SYN3: variants seen among roughly 807,000 people sequenced by gnomAD.
SYN3 encodes synapsin-3.
Under a neutral mutation model 65.8 loss-of-function variants are expected in SYN3, and 35 were observed. The observed-to-expected ratio is 0.53, with a 90% CI of 0.41 to 0.70. The LOEUF (loss-of-function observed/expected upper bound fraction) is 0.70. Ranked by LOEUF, SYN3 falls within the 30% of genes least tolerant of loss-of-function variation. The pLI is 0.00. For synonymous variants in SYN3, 270 were observed against 292.9 expected, an observed-to-expected ratio of 0.92 and a Z score of 0.80; for missense variants, 680 against 749.0, an observed-to-expected ratio of 0.91 and a Z score of 1.08.
intron 6 of SYN3, among the ~76,000 whole-genome samples, chr22:32,808,863 G>A (rs1047582741): frequency 2.0e-5 from 3 of 152,116 alleles, no homozygotes; most frequent in East Asian, 1.9e-4. Flanking sequence ...TCATTCCTGC[G>A]CTGGGAGAAA....
At chr22:32,654,648 C>A (rs1165685106) in intron 6 of SYN3, among the ~76,000 whole-genome samples, 3 of 152,178 alleles carry the variant, frequency 2.0e-5, no homozygotes, top group African/African-American at 7.2e-5. Flanking sequence ...GAAGTGTGAA[C>A]CCTACTGTGA....
chr22:32,962,724 A>G (rs1421239720), intron 3 of SYN3, among the ~76,000 whole-genome samples: 2 of 152,084 alleles, frequency 1.3e-5, no homozygotes, highest in East Asian at 3.9e-4. Flanking sequence ...TTTGTCTGTA[A>G]TAGTAACAGG....
intron 7 of SYN3, among the ~76,000 whole-genome samples, chr22:32,543,315 G>A (rs536831368): frequency 2.6e-5 from 4 of 152,278 alleles, no homozygotes; most frequent in Admixed American, 2.6e-4. Context: ...AGGTTATAAA[G>A]CAGCTGAGCC....
chr22:32,757,542 C>A (rs994890240), intron 6 of SYN3, among the ~76,000 whole-genome samples: 1 of 152,068 alleles, frequency 6.6e-6, no homozygotes, highest in South Asian at 2.1e-4. Context: ...GGTGATCCGC[C>A]AGCCTTGGCC....
At chr22:32,767,634 CT>C (rs1470598904) in intron 6 of SYN3, among the ~76,000 whole-genome samples, 1 of 152,228 alleles carries the variant, frequency 6.6e-6, no homozygotes, top group Non-Finnish European at 1.5e-5. Context: ...ATTCCACTGT[CT>C]TTGAACTTAC....
At chr22:32,656,791 G>A (rs887249375) in intron 6 of SYN3, among the ~76,000 whole-genome samples, 6 of 152,156 alleles carry the variant, frequency 3.9e-5, no homozygotes, top group African/African-American at 7.2e-5. Context: ...CTGAATGCCC[G>A]TAGGAGGAAG....
chr22:32,796,718 G>A (rs1390090039), intron 6 of SYN3, among the ~76,000 whole-genome samples: 1 of 152,126 alleles, frequency 6.6e-6, no homozygotes, highest in African/African-American at 2.4e-5. Context: ...GGAAGGCATC[G>A]TGGCTAGGGT....
intron 1 of SYN3, among the ~76,000 whole-genome samples, chr22:33,047,428 T>A (rs893604140): frequency 1.3e-5 from 2 of 152,152 alleles, no homozygotes; most frequent in Non-Finnish European, 1.5e-5. Flanking sequence ...GTATCACCCC[T>A]CAAATCACCT....
intron 6 of SYN3, among the ~76,000 whole-genome samples, chr22:32,684,079 A>G (rs2060558743): frequency 6.6e-6 from 1 of 152,214 alleles, no homozygotes; most frequent in South Asian, 2.1e-4. Context: ...AATATGATGC[A>G]TAGATTCCCA....
chr22:32,603,935 C>T (rs2059325458), intron 6 of SYN3, among the ~76,000 whole-genome samples: 1 of 152,226 alleles, frequency 6.6e-6, no homozygotes, highest in African/African-American at 2.4e-5. Context: ...CAGAGATCCC[C>T]ACCCAGATAA....
At chr22:32,934,472 G>A (rs2050720572) in intron 3 of SYN3, among the ~76,000 whole-genome samples, 1 of 152,188 alleles carries the variant, frequency 6.6e-6, no homozygotes, top group African/African-American at 2.4e-5. Flanking sequence ...GGGTTGCAAG[G>A]TAGCCAGCTT....
chr22:32,808,734 C>A (rs1372482242), intron 6 of SYN3, among the ~76,000 whole-genome samples: 2 of 152,164 alleles, frequency 1.3e-5, no homozygotes, highest in Admixed American at 6.5e-5. Context: ...CTGATCACTC[C>A]TTGGCATTGG....
intron 9 of SYN3, among the ~76,000 whole-genome samples, chr22:32,535,833 C>T (rs1356022574): frequency 6.6e-6 from 1 of 151,936 alleles, no homozygotes; most frequent in Non-Finnish European, 1.5e-5. Context: ...ACTGACCAAG[C>T]GACATCATTG....
chr22:32,608,301 G>A (rs190340640), intron 6 of SYN3, among the ~76,000 whole-genome samples: 166 of 152,306 alleles, frequency 1.1e-3, no homozygotes, highest in Admixed American at 1.8e-3. Context: ...AACTCCTGAC[G>A]TCAAATGATC....
At chr22:32,915,361 A>C (rs1463438023) in intron 4 of SYN3, among the ~76,000 whole-genome samples, 2 of 152,208 alleles carry the variant, frequency 1.3e-5, no homozygotes, top group African/African-American at 4.8e-5. Context: ...AAAACAGATA[A>C]AATTCCTGCC....
At chr22:33,015,704 G>A (rs901508903) in intron 1 of SYN3, among the ~76,000 whole-genome samples, 1 of 152,138 alleles carries the variant, frequency 6.6e-6, no homozygotes, top group African/African-American at 2.4e-5. Flanking sequence ...ATAAATTAAT[G>A]AGCACCGAAT....
At chr22:33,005,582 G>C (rs937913129) in intron 2 of SYN3, among the ~76,000 whole-genome samples, 1 of 152,204 alleles carries the variant, frequency 6.6e-6, no homozygotes, top group African/African-American at 2.4e-5. Context: ...CTTGACACAG[G>C]TATCAGGTCT....
rs73164309 is a variant in SYN3, at chr22:33,056,801, G to A, written c.-163+1491C>T. On this transcript the variant is annotated intron_variant, in intron 1 of 13. Transcript: ENST00000358763. ...TGACTTTCTGGTCTGATTTCCCAGC[G>A]AGCCCTTGTTCTTTCTACTACACCA... Among the ~76,000 whole-genome samples, 597 of 151,414 alleles carry A rather than the reference G, an allele frequency of 3.9e-3. 6 individuals carry two copies. The highest frequency in any genetic ancestry group is 6.8e-3 in the Middle Eastern group (2 of 292).
intron 6 of SYN3, among the ~76,000 whole-genome samples, chr22:32,749,386 A>G (rs2045041612): frequency 6.8e-6 from 1 of 147,446 alleles, no homozygotes; most frequent in Non-Finnish European, 1.5e-5. Context: ...TCACACCTGT[A>G]ATCCCAGCAC....
Sources: gnomAD v4.1 joint callset for allele counts (sites outside exome capture counted in the v4.1 genomes callset) on GRCh38, gnomAD v4.1.1 for gene constraint, MANE v1.5 for transcripts, NCBI Gene and HGNC (gene_info 2026-07-23, HGNC 2026-07-21) for gene names.